Variants in EPS8 observed in about 807,000 individuals in gnomAD.
The protein encoded by EPS8 is epidermal growth factor receptor kinase substrate 8.
EPS8 carries 42 observed loss-of-function variants against 103.8 expected under a neutral mutation model. That is an observed-to-expected ratio of 0.40 (90% CI 0.32 to 0.52). The LOEUF is 0.52. Ranked by LOEUF, EPS8 falls within the 20% of genes least tolerant of loss-of-function variation. The pLI is 0.40. For synonymous variants in EPS8, 344 were observed against 344.6 expected (o/e 1.00, Z 0.02); for missense variants, 969 against 1,005.1 (o/e 0.96, Z 0.49).
intron 3 of EPS8, among the ~76,000 whole-genome samples, chr12:15,676,793 C>A (rs1945916838): frequency 6.6e-6 from 1 of 152,134 alleles, no homozygotes; most frequent in Non-Finnish European, 1.5e-5. Context: ...GTGTCAGTGA[C>A]AATAATGATG....
rs576431399 is a variant in EPS8 at position 15,683,488 on chromosome 12, CTTTT to C, written c.-21-520_-21-517del. ...AGTGGTTTTCTTTCCTCCCTTCCTTCTTTTATTTCTTCTTTCCTTCAAAGCACAT... is the reference window on the plus strand; with the variant it reads ...AGTGGTTTTCTTTCCTCCCTTCCTTCATTTCTTCTTTCCTTCAAAGCACAT... On this transcript the variant is annotated intron_variant, in intron 1 of 20. Transcript: ENST00000281172. 6.6e-5 allele frequency: 10 copies of C among 152,302 alleles called. No homozygotes were observed. In the East Asian group the frequency reaches 1.9e-3, roughly 29 times the overall value. 9.4% of individuals were successfully genotyped at this position (152,302 alleles called of 1,614,324 possible).
chr12:15,712,625 A>G (rs1946481271), intron 1 of EPS8, among the ~76,000 whole-genome samples: 1 of 152,212 alleles, frequency 6.6e-6, no homozygotes, highest in Non-Finnish European at 1.5e-5. Context: ...CACCTCTGTA[A>G]GCCAGAAGAC....
intron 14 of EPS8, among the ~76,000 whole-genome samples, chr12:15,647,793 T>C (rs1165683758): frequency 2.6e-5 from 4 of 152,242 alleles, no homozygotes; most frequent in Non-Finnish European, 4.4e-5. Context: ...AGAGTGACAG[T>C]TGAGGTTCAT....
In EPS8 at chr12:15,661,866, A is replaced by T. The variant is rs1945611095; in HGVS notation, c.810+160T>A. On this transcript the variant is annotated intron_variant, in intron 9 of 20. Coordinates refer to ENST00000281172, the MANE Select transcript of EPS8 (RefSeq NM_004447.6). ...AAAGGCAAAAATGTTTAACGAGAAA[A>T]TAATTCAAAGGGCAAATTCAAAGGG... 3.3e-5 allele frequency among the ~76,000 whole-genome samples: 5 copies of T among 152,252 alleles called. No individual in the cohort carries two copies. The South Asian group carries it at 1.0e-3, about 32-fold the overall frequency.
chr12:15,682,457 T>G (rs1946024637), intron 2 of EPS8, among the ~76,000 whole-genome samples: 1 of 152,212 alleles, frequency 6.6e-6, no homozygotes, highest in African/African-American at 2.4e-5. Flanking sequence ...TTTTGTTAGT[T>G]TGCCTGATCT....
At chr12:15,637,350 T>C (rs1945153973) in intron 17 of EPS8, among the ~76,000 whole-genome samples, 1 of 152,208 alleles carries the variant, frequency 6.6e-6, no homozygotes. Context: ...ATCACTATTC[T>C]CTAGAACAGC....
At chr12:15,638,637 T>C (rs1461906078) in intron 17 of EPS8, among the ~76,000 whole-genome samples, 2 of 152,174 alleles carry the variant, frequency 1.3e-5, no homozygotes, top group Admixed American at 6.5e-5. Flanking sequence ...GCAATCCCTA[T>C]AAGAACCACA....
At chr12:15,675,161 T>G (rs1945881869) in intron 3 of EPS8, among the ~76,000 whole-genome samples, 2 of 152,010 alleles carry the variant, frequency 1.3e-5, no homozygotes, top group Non-Finnish European at 2.9e-5. Context: ...GTAAACCCAA[T>G]TATACAGAAA....
intron 1 of EPS8, among the ~76,000 whole-genome samples, chr12:15,782,466 C>A (rs1298940339): frequency 6.6e-6 from 1 of 152,154 alleles, no homozygotes; most frequent in African/African-American, 2.4e-5. Flanking sequence ...GGCGCCACTG[C>A]ACTCCAGCCT....
chr12:15,658,644 GA>G (rs755588922), intron 10 of EPS8, 59 bp from the exon 11 acceptor site: 25 of 1,185,394 alleles, frequency 2.1e-5, no homozygotes, highest in Non-Finnish European at 3.0e-5. Flanking sequence ...TTATTAAATG[GA>G]AAAACAAAAA....
rs762530617 is a variant in EPS8, at chr12:15,762,293, G to A, written c.-22+26868C>T. Among the ~76,000 whole-genome samples, 5 of 152,116 alleles carry A rather than the reference G, an allele frequency of 3.3e-5. No homozygotes were observed. The highest frequency in any genetic ancestry group is 7.4e-5 in the Non-Finnish European group (5 of 68,014). On this transcript the variant is annotated intron_variant, in intron 1 of 20. Coordinates refer to ENST00000281172, the MANE Select transcript of EPS8 (RefSeq NM_004447.6). The surrounding 1 kb of genome is among the most constrained non-coding windows in gnomAD (Gnocchi z 4.8). Reference sequence around the variant, plus strand: ...CAAAAGACAGACAATAACAAATGCCGACAAGGATGTAGAGAAAAGGGAACC... The same window carrying A: ...CAAAAGACAGACAATAACAAATGCCAACAAGGATGTAGAGAAAAGGGAACC...
At chr12:15,770,206 T>C (rs1591931994) in intron 1 of EPS8, among the ~76,000 whole-genome samples, 1 of 149,790 alleles carries the variant, frequency 6.7e-6, no homozygotes, top group Non-Finnish European at 1.5e-5. Context: ...TAAGGATCAC[T>C]TGAGCCTAGG....
intron 17 of EPS8, among the ~76,000 whole-genome samples, chr12:15,638,280 T>A (rs1281827954): frequency 6.6e-6 from 1 of 152,142 alleles, no homozygotes; most frequent in African/African-American, 2.4e-5. Context: ...ATTCTTTTTT[T>A]AAAGAATATA....
chr12:15,653,161 G>GA (rs1945444203), intron 13 of EPS8, among the ~76,000 whole-genome samples: 1 of 152,116 alleles, frequency 6.6e-6, no homozygotes, highest in Non-Finnish European at 1.5e-5. Flanking sequence ...TAGTCCTGAA[G>GA]AAAATTGATT....
chr12:15,788,087 C>T (rs910423881), intron 1 of EPS8: 2 of 152,124 alleles, frequency 1.3e-5, no homozygotes, highest in African/African-American at 4.8e-5. Flanking sequence ...GGGGCTTTTT[C>T]AATATAAAGA....
intron 3 of EPS8, among the ~76,000 whole-genome samples, chr12:15,672,078 T>C (rs987729797): frequency 2.6e-5 from 4 of 152,142 alleles, no homozygotes; most frequent in African/African-American, 9.7e-5. Context: ...GACATATAGA[T>C]ATACCTTAGC....
intron 1 of EPS8, among the ~76,000 whole-genome samples, chr12:15,730,861 A>G (rs916823458): frequency 6.6e-6 from 1 of 152,126 alleles, no homozygotes; most frequent in Non-Finnish European, 1.5e-5. Flanking sequence ...TCCCCTCAGA[A>G]AATAATTGCA....
intron 1 of EPS8, among the ~76,000 whole-genome samples, chr12:15,753,008 A>C (rs779375110): frequency 7.3e-5 from 11 of 151,682 alleles, no homozygotes; most frequent in Non-Finnish European, 1.3e-4. Context: ...TGGCTTAAAG[A>C]AATGTGACTC....
Position 15,631,318 on chromosome 12 carries a change from A to G in EPS8, c.2044+124T>C, listed in dbSNP as rs1023099505. On this transcript the variant is annotated intron_variant, in intron 18 of 20. Coordinates refer to ENST00000281172, the MANE Select transcript of EPS8 (RefSeq NM_004447.6). ...TGAGAAACCAGGTGAAAATCTTTGCAATCTATTAAGTACCATGCAAGTATA... is the reference window on the plus strand; with the variant it reads ...TGAGAAACCAGGTGAAAATCTTTGCGATCTATTAAGTACCATGCAAGTATA... 2.3e-5 allele frequency: 31 copies of G among 1,359,520 alleles called. 1 individual carries two copies. Among genetic ancestry groups the G allele is most frequent in the Middle Eastern group, 5.3e-4 (2 of 3,760 alleles). 84.2% of individuals were successfully genotyped at this position (1,359,520 alleles called of 1,614,324 possible). A position where few individuals can be genotyped will look rare whatever the true frequency, so the allele number is the denominator to read the frequency against.
Sources: gnomAD v4.1 joint callset for allele counts (sites outside exome capture counted in the v4.1 genomes callset) on GRCh38, gnomAD v4.1.1 for gene constraint, Gnocchi (gnomAD v3.1) non-coding constraint, MANE v1.5 for transcripts, NCBI Gene and HGNC (gene_info 2026-07-23, HGNC 2026-07-21) for gene names.